Variants in DIAPH3 observed in about 807,000 individuals in gnomAD.
The protein encoded by DIAPH3 is protein diaphanous homolog 3.
Under a neutral mutation model 144.3 loss-of-function variants are expected in DIAPH3, and 117 were observed. The ratio of observed to expected loss-of-function variants is 0.81; its 90% CI spans 0.70 to 0.95. DIAPH3 has a LOEUF of 0.95. Ranked by LOEUF, DIAPH3 falls within the 40% of genes least tolerant of loss-of-function variation. The pLI is 0.00. For synonymous variants in DIAPH3, 519 were observed against 488.9 expected (o/e 1.06, Z -0.81); for missense variants, 1,421 against 1,412.7 (o/e 1.01, Z -0.09).
At chr13:60,160,876 A>T (rs918965568) in intron 1 of DIAPH3, among the ~76,000 whole-genome samples, 3 of 152,254 alleles carry the variant, frequency 2.0e-5, no homozygotes, top group Admixed American at 1.3e-4. Context: ...ATTTATACTT[A>T]TCTATGGGAA....
At chr13:59,792,866 T>G (rs1336765151) in intron 25 of DIAPH3, among the ~76,000 whole-genome samples, 1 of 152,178 alleles carries the variant, frequency 6.6e-6, no homozygotes, top group Non-Finnish European at 1.5e-5. Flanking sequence ...CTCCAGATGC[T>G]GAGTAGTGCC....
chr13:60,015,148 G>A (rs983583408), intron 7 of DIAPH3, among the ~76,000 whole-genome samples: 2 of 151,926 alleles, frequency 1.3e-5, no homozygotes, highest in East Asian at 1.9e-4. Flanking sequence ...GGCATGTGCC[G>A]CCATGCCCAG....
chr13:60,034,556 A>C (rs1180236001), intron 5 of DIAPH3: 3 of 152,010 alleles, frequency 2.0e-5, no homozygotes, highest in African/African-American at 7.3e-5. Context: ...AGTTTAATCT[A>C]CTCTGTTTCT....
At chr13:60,041,178 A>T (rs2141185116) in intron 5 of DIAPH3, among the ~76,000 whole-genome samples, 1 of 152,208 alleles carries the variant, frequency 6.6e-6, no homozygotes, top group African/African-American at 2.4e-5. Flanking sequence ...ATTAAGCTGG[A>T]CACCAAAGCT....
chr13:59,791,671 A>C (rs908159255), intron 25 of DIAPH3, among the ~76,000 whole-genome samples: 1 of 152,164 alleles, frequency 6.6e-6, no homozygotes, highest in South Asian at 2.1e-4. Context: ...GTGTTTTAGG[A>C]AATGCTTTAA....
intron 25 of DIAPH3, among the ~76,000 whole-genome samples, chr13:59,786,545 T>G (rs980245406): frequency 2.6e-5 from 4 of 152,164 alleles, no homozygotes; most frequent in African/African-American, 9.7e-5. Context: ...CTCACTTAAT[T>G]GTCTACTCAA....
chr13:59,722,489 C>T lies in DIAPH3; in HGVS notation c.3319+51700G>A, dbSNP rs56934783. Among the ~76,000 whole-genome samples the T allele has an allele frequency of 8.1e-3, 1,238 of 152,190 alleles. 26 individuals are homozygous for T. Among genetic ancestry groups the T allele is most frequent in the African/African-American group, 0.027 (1,139 of 41,506 alleles). On this transcript the variant is annotated intron_variant, in intron 27 of 27. Coordinates refer to ENST00000400324, the MANE Select transcript of DIAPH3 (RefSeq NM_001042517.2). ...GTTTGGCCAATCTTCAAATTGCTCA[C>T]GGTTAGGATGTTGGAAGTAAGGTGG... is the stretch of plus-strand genomic sequence containing the variant.
Position 59,833,287 on chromosome 13 carries a change from G to A in DIAPH3, c.2863-16C>T, listed in dbSNP as rs547793029. The A allele has an allele frequency of 1.9e-6, 3 of 1,595,230 alleles. No individual in the cohort carries two copies. The highest frequency in any genetic ancestry group is 2.2e-5 in the South Asian group (2 of 89,378). On this transcript the variant is annotated splice_polypyrimidine_tract_variant and intron_variant, in intron 23 of 27. Transcript: ENST00000400324. Reference sequence around the variant, plus strand: ...TAACAAATCTGTATACTATAGTTAAGGTATTCTGAAATTTACAAAGTAATG... The same window carrying A: ...TAACAAATCTGTATACTATAGTTAAAGTATTCTGAAATTTACAAAGTAATG...
At position 60,137,608 on chromosome 13, in the gene DIAPH3, A is replaced by G. The variant is rs1224971229; in HGVS notation, c.181-4619T>C. Reference sequence around the variant, plus strand: ...TGGAGCAAAGGATCTGTCCATTGATATCATTAGGAACATGACAGCCACCAT... The same window carrying G: ...TGGAGCAAAGGATCTGTCCATTGATGTCATTAGGAACATGACAGCCACCAT... On this transcript the variant is annotated intron_variant, in intron 1 of 27. Transcript: ENST00000400324. Among the ~76,000 whole-genome samples the G allele has an allele frequency of 4.6e-5, 7 of 152,142 alleles. No homozygotes were observed. The East Asian group carries it at 1.3e-3, about 29-fold the overall frequency.
In DIAPH3 at chr13:59,879,260, G is replaced by T. The variant is rs771828799; in HGVS notation, c.2576C>A (p.Thr859Asn). 1 of 1,613,814 alleles carries T rather than the reference G, an allele frequency of 6.2e-7. No homozygotes were observed. Among genetic ancestry groups the T allele is most frequent in the Admixed American group, 1.7e-5 (1 of 59,964 alleles). ...GAGAGAGCTAAGGTTAAATCCGAAG[G>T]TTTGAGCATTCCGGGAGCCAGCATT... is the stretch of plus-strand genomic sequence containing the variant. ...YMNAGSRNAQ[T>N]FGFNLSSLCK... Residue 859 changes from threonine to asparagine, a missense_variant, in exon 21 of 28, where the codon ACC becomes AAC. Physicochemically the swap from Thr to Asn is moderately conservative, Grantham distance 65. Transcript: ENST00000400324.
At chr13:60,156,939 A>ATATATTTTTTT (rs1337230427) in intron 1 of DIAPH3, among the ~76,000 whole-genome samples, 2 of 82,068 alleles carry the variant, frequency 2.4e-5, no homozygotes, top group African/African-American at 1.1e-4. Flanking sequence ...ATATATATAT[A>ATATATTTTTTT]TTTTTTTTTT....
At chr13:60,044,456 C>T (rs905733601) in intron 4 of DIAPH3, 1 of 152,110 alleles carries the variant, frequency 6.6e-6, no homozygotes, top group African/African-American at 2.4e-5. Context: ...ATGGTGAAAG[C>T]TATGAAAATG....
chr13:59,819,462 T>A (rs1034778971), intron 24 of DIAPH3, among the ~76,000 whole-genome samples: 6 of 151,904 alleles, frequency 3.9e-5, no homozygotes, highest in African/African-American at 1.4e-4. Context: ...TAGTAAATCG[T>A]ATTGTGATAA....
rs1045325228 is a variant in DIAPH3, at chr13:60,049,537, T to C, written c.496-6717A>G. Among the ~76,000 whole-genome samples, 4 of 152,238 alleles carry C rather than the reference T, an allele frequency of 2.6e-5. No individual in the cohort carries two copies. In the East Asian group the frequency reaches 7.7e-4, roughly 29 times the overall value. On this transcript the variant is annotated intron_variant, in intron 4 of 27. Transcript: ENST00000400324. ...CCTTACCCAGGCCTACTCCTAAACA[T>C]TGGTTAGACCTGGGCTGAGAGTGGC...
At chr13:60,158,688 A>G (rs1952140065) in intron 1 of DIAPH3, among the ~76,000 whole-genome samples, 1 of 152,068 alleles carries the variant, frequency 6.6e-6, no homozygotes, top group South Asian at 2.1e-4. Context: ...TGGGAAGCTG[A>G]GCAGGGAGTT....
intron 27 of DIAPH3, among the ~76,000 whole-genome samples, chr13:59,740,295 C>T (rs978584541): frequency 6.6e-6 from 1 of 152,128 alleles, no homozygotes; most frequent in Non-Finnish European, 1.5e-5. Context: ...TCCAATTCAC[C>T]TCTACCATAT....
At chr13:59,676,288 C>T (rs1173711473) in intron 27 of DIAPH3, among the ~76,000 whole-genome samples, 1 of 152,206 alleles carries the variant, frequency 6.6e-6, no homozygotes, top group Non-Finnish European at 1.5e-5. Context: ...GCAATATATT[C>T]TACCTTTGGT....
intron 27 of DIAPH3, among the ~76,000 whole-genome samples, chr13:59,762,304 C>T (rs940969737): frequency 6.6e-6 from 1 of 152,000 alleles, no homozygotes; most frequent in African/African-American, 2.4e-5. Context: ...TTGTGATCTG[C>T]CCGCCTCAGC....
intron 1 of DIAPH3, among the ~76,000 whole-genome samples, chr13:60,134,320 T>C (rs1594752941): frequency 1.3e-5 from 2 of 152,224 alleles, no homozygotes; most frequent in East Asian, 3.8e-4. Context: ...TACCAGGCTA[T>C]AGAATTTGCT....
Sources: allele counts gnomAD v4.1 joint callset (sites outside exome capture counted in the v4.1 genomes callset), GRCh38; gene constraint gnomAD v4.1.1; transcripts MANE v1.5; gene names NCBI Gene and HGNC (gene_info 2026-07-23, HGNC 2026-07-21).